The following YTHDC2 variants were observed in gnomAD, a reference collection of about 807,000 sequenced individuals.
YTHDC2 encodes YTH N6-methyladenosine RNA binding protein C2.
A neutral mutation model predicts 174.9 loss-of-function variants in YTHDC2; 45 were observed. That is an observed-to-expected ratio of 0.26 (90% CI 0.20 to 0.33). The LOEUF is 0.33. Ranked by LOEUF, YTHDC2 falls within the 10% of genes least tolerant of loss-of-function variation. The pLI, the probability that YTHDC2 is intolerant of heterozygous loss-of-function variation, is 1.00. For missense variants in YTHDC2, 1,650 were observed against 1,723.7 expected (o/e 0.96, Z 0.76); for synonymous variants, 657 against 574.5 (o/e 1.14, Z -2.05).
At chr5:113,589,559 A>G (rs1299395787) in intron 26 of YTHDC2, among the ~76,000 whole-genome samples, 3 of 151,380 alleles carry the variant, frequency 2.0e-5, no homozygotes, top group African/African-American at 4.9e-5. Flanking sequence ...AGACCCTATC[A>G]TCTCTACAAA....
In YTHDC2 at chr5:113,542,369, C is replaced by CTTT. The variant is rs757412005; in HGVS notation, c.1362_1363insTTT (p.Thr454_Glu455insPhe). 4.9e-5 allele frequency: 78 copies of CTTT among 1,603,514 alleles called. No homozygotes were observed. The highest frequency in any genetic ancestry group is 6.1e-5 in the Non-Finnish European group (72 of 1,177,358). On this transcript the variant is annotated inframe_insertion and splice_region_variant, in exon 10 of 30. Coordinates refer to ENST00000161863, the MANE Select transcript of YTHDC2 (RefSeq NM_022828.5). ...TATGATTTTTACTGTTTTTTGTAGACTGAAAAAGATGTGAATTGCCTTGAA... is the reference window on the plus strand; with the variant it reads ...TATGATTTTTACTGTTTTTTGTAGACTTTTGAAAAAGATGTGAATTGCCTTGAA...
intron 8 of YTHDC2, among the ~76,000 whole-genome samples, chr5:113,539,825 T>C (rs979743088): frequency 3.3e-5 from 5 of 152,254 alleles, no homozygotes; most frequent in Admixed American, 3.3e-4. Context: ...TCAGCAATGC[T>C]GATTTCATTG....
chr5:113,567,964 G>C, intron 23 of YTHDC2, 115 bp downstream of exon 23: 1 of 799,284 alleles, frequency 1.3e-6, no homozygotes, highest in East Asian at 3.1e-5. Flanking sequence ...TATAGTAGCA[G>C]CTCTATTTTG....
At chr5:113,575,631 GT>G (rs745914464) in intron 23 of YTHDC2, among the ~76,000 whole-genome samples, 4 of 152,176 alleles carry the variant, frequency 2.6e-5, no homozygotes, top group Non-Finnish European at 5.9e-5. Context: ...GAGTGCACTG[GT>G]CAATGGAAGA....
At chr5:113,537,363 T>C (rs377394016) in intron 7 of YTHDC2, among the ~76,000 whole-genome samples, 47 of 25,762 alleles carry the variant, frequency 1.8e-3, no homozygotes, top group South Asian at 0.012. Context: ...CTCTCTCTCT[T>C]TTTTTTTTTT....
rs1167413531 is a variant in YTHDC2, at chr5:113,526,623, C to T, written c.513C>T (p.Asn171=). Residue 171 remains asparagine, a synonymous_variant, in exon 4 of 30, where the codon AAC becomes AAT. Transcript: ENST00000161863. ...TGAGCAAGACAAGTGGGCGACTCAA[C>T]AATGGCATACCTCAGATTCCAGTGA... ...REMSKTSGRL[N]NGIPQIPVKR... The T allele has an allele frequency of 1.3e-6, 2 of 1,577,184 alleles. No individual in the cohort carries two copies. Among genetic ancestry groups the T allele is most frequent in the South Asian group, 2.3e-5 (2 of 86,432 alleles).
chr5:113,588,974 C>A (rs1409237148), intron 26 of YTHDC2, among the ~76,000 whole-genome samples: 1 of 152,046 alleles, frequency 6.6e-6, no homozygotes, highest in South Asian at 2.1e-4. Context: ...ATATTGTTTT[C>A]ATACATTTTG....
Position 113,594,528 on chromosome 5 carries a change from G to C in YTHDC2, c.*1054G>C, listed in dbSNP as rs1392918364. On this transcript the variant is annotated 3_prime_UTR_variant, in exon 30 of 30. Coordinates refer to ENST00000161863, the MANE Select transcript of YTHDC2 (RefSeq NM_022828.5). ...TTCGCATATATGGTTTAATAAATGGGGGATAATTTTTTTTTTGTAAATCCG... is the reference window on the plus strand; with the variant it reads ...TTCGCATATATGGTTTAATAAATGGCGGATAATTTTTTTTTTGTAAATCCG... 1.3e-5 allele frequency: 2 copies of C among 151,820 alleles called. No individual in the cohort carries two copies. The highest frequency in any genetic ancestry group is 2.4e-5 in the African/African-American group (1 of 41,228). 9.4% of individuals were successfully genotyped at this position (151,820 alleles called of 1,614,324 possible).
chr5:113,513,942 G>T lies in YTHDC2; in HGVS notation c.47G>T (p.Gly16Val). The T allele has an allele frequency of 1.2e-6, 2 of 1,605,090 alleles. No homozygotes were observed. The highest frequency in any genetic ancestry group is 1.7e-5 in the Admixed American group (1 of 59,410). ...SVSPRQPAPG[G>V]GGGGGPSPCG... ...TCCCCGCGGCAGCCGGCTCCTGGCG[G>T]TGGCGGAGGCGGCGGCCCCTCGCCT... The change falls in exon 1 of 30, where the codon GGT (glycine) becomes GTT (valine). Residue 16 changes from glycine (G) to valine (V), a missense_variant. By Grantham distance (109) the Gly-to-Val change is moderately radical (BLOSUM62 -3). Transcript: ENST00000161863.
rs750726531 is a variant in YTHDC2, at chr5:113,591,053, C to G, written c.3838C>G (p.Pro1280Ala). The G allele has an allele frequency of 5.0e-6, 8 of 1,613,564 alleles. No homozygotes were observed. The highest frequency in any genetic ancestry group is 5.9e-6 in the Non-Finnish European group (7 of 1,179,772). ...TTTTCTTTTATAGGGCTCAAAATCT[C>G]CTTCGCCAAGACCAAACATGCCTGT... ...PPSSGKGSKS[P>A]SPRPNMPVRY... The change falls in exon 27 of 30, where the codon CCT becomes GCT. Residue 1280 changes from proline to alanine, a missense_variant. Around this residue, in one of 5 missense-constraint regions of YTHDC2, gnomAD observed 913 missense variants for 940.4 expected, o/e 0.97. Coordinates refer to ENST00000161863, the MANE Select transcript of YTHDC2 (RefSeq NM_022828.5).
chr5:113,537,361 C>CTTTTT (rs139190695), intron 7 of YTHDC2, among the ~76,000 whole-genome samples: 3 of 124,500 alleles, frequency 2.4e-5, no homozygotes, highest in Non-Finnish European at 3.3e-5. Context: ...GGCTCTCTCT[C>CTTTTT]TTTTTTTTTT....
intron 26 of YTHDC2, among the ~76,000 whole-genome samples, chr5:113,588,063 A>C (rs905958839): frequency 1.3e-5 from 2 of 152,100 alleles, no homozygotes; most frequent in African/African-American, 2.4e-5. Flanking sequence ...AGTATATACA[A>C]ATACATTTGA....
At chr5:113,526,821 AAAAAAATATATATAT>A (rs748187183) in intron 4 of YTHDC2, 36 bp downstream of exon 4, 1 of 358,602 alleles carries the variant, frequency 2.8e-6, no homozygotes, top group Non-Finnish European at 4.1e-6. Context: ...GAAAAAAAAA[AAAAAAATATATATAT>A]ATATATATAT....
chr5:113,556,054 A>G lies in YTHDC2; in HGVS notation c.2136A>G (p.Lys712=). The stretch of plus-strand genomic sequence containing the variant: ...TAAAGATGGTTTAAATATTACAGAA[A>G]TCCTTTGATGCTCTGAATTTTGTTA... The part of the protein sequence containing the change: ...FVIDSGKVKE[K]SFDALNFVTM... Residue 712 remains lysine (K), a splice_region_variant and synonymous_variant, in exon 17 of 30, where the codon AAA becomes AAG. Transcript: ENST00000161863. 1 of 1,583,652 alleles carries G rather than the reference A, an allele frequency of 6.3e-7. No individual in the cohort carries two copies. Among genetic ancestry groups the G allele is most frequent in the Non-Finnish European group, 8.7e-7 (1 of 1,154,412 alleles).
chr5:113,563,343 T>A (rs747873402), intron 18 of YTHDC2, 30 bp from the exon 19 acceptor site: 18 of 1,554,778 alleles, frequency 1.2e-5, no homozygotes, highest in East Asian at 4.7e-5. Flanking sequence ...TTTTTAATTT[T>A]AAAAAATTAT....
chr5:113,525,431 A>G (rs538329060), intron 3 of YTHDC2, among the ~76,000 whole-genome samples: 10 of 152,140 alleles, frequency 6.6e-5, no homozygotes, highest in African/African-American at 2.2e-4. Context: ...TTAACTGTGT[A>G]TGAGGCAGTA....
In YTHDC2 at chr5:113,567,404, T is replaced by TTATATATATA. The variant is rs368320106; in HGVS notation, c.3048+121_3048+130dup. 2.9e-4 allele frequency: 83 copies of TTATATATATA among 287,556 alleles called. 1 individual carries two copies. The African/African-American group carries it at 3.0e-3, about 10-fold the overall frequency. 17.8% of individuals were successfully genotyped at this position (287,556 alleles called of 1,614,324 possible). On this transcript the variant is annotated intron_variant, in intron 22 of 29. Coordinates refer to ENST00000161863, the MANE Select transcript of YTHDC2 (RefSeq NM_022828.5). ...CTGCCTGCTTTAAGAAATTAATTAG[T>TTATATATATA]TATATATATATATATATATATATCA...
chr5:113,561,327 T>C (rs1208677216), intron 18 of YTHDC2, 142 bp downstream of exon 18: 1 of 485,222 alleles, frequency 2.1e-6, no homozygotes, highest in Non-Finnish European at 3.5e-6. Flanking sequence ...TGGCTATGTC[T>C]ATAACAAATA....
intron 11 of YTHDC2, 78 bp from the exon 12 acceptor site, chr5:113,548,877 T>A: frequency 7.2e-7 from 1 of 1,383,810 alleles, no homozygotes. Flanking sequence ...AAAGACAGGG[T>A]CTTGATGTTG....
Sources: allele counts gnomAD v4.1 joint callset (sites outside exome capture counted in the v4.1 genomes callset), GRCh38; gene constraint gnomAD v4.1.1; regional missense constraint gnomAD v4.1.1; transcripts MANE v1.5; gene names NCBI Gene and HGNC (gene_info 2026-07-23, HGNC 2026-07-21).